The following SLC1A1 variants were observed in gnomAD, a reference collection of about 807,000 sequenced individuals.
SLC1A1 encodes the protein solute carrier family 1 member 1.
In SLC1A1, 43 loss-of-function variants were observed where a neutral mutation model predicts 53.3. The ratio of observed to expected loss-of-function variants is 0.81; its 90% CI spans 0.63 to 1.04. The LOEUF (loss-of-function observed/expected upper bound fraction) is 1.04. Ranked by LOEUF, SLC1A1 falls within the 50% of genes least tolerant of loss-of-function variation. SLC1A1 has a pLI of 0.00. For missense variants in SLC1A1, 748 were observed against 664.9 expected, an observed-to-expected ratio of 1.12 and a Z score of -1.37; for synonymous variants, 307 against 243.2, an observed-to-expected ratio of 1.26 and a Z score of -2.44.
chr9:4,506,952 C>G (rs1240055328), intron 1 of SLC1A1, among the ~76,000 whole-genome samples: 1 of 152,328 alleles, frequency 6.6e-6, no homozygotes, highest in Middle Eastern at 3.4e-3. Flanking sequence ...CAAGAGTAGG[C>G]TGGCGGCAGT....
At chr9:4,575,716 C>A (rs1332365604) in intron 8 of SLC1A1, among the ~76,000 whole-genome samples, 3 of 152,188 alleles carry the variant, frequency 2.0e-5, no homozygotes. Context: ...AGGAATAGCA[C>A]ACACAGGGGT....
At chr9:4,515,378 A>T (rs1254506079) in intron 1 of SLC1A1, among the ~76,000 whole-genome samples, 1 of 152,148 alleles carries the variant, frequency 6.6e-6, no homozygotes, top group Middle Eastern at 3.2e-3. Context: ...CAGAATGAAA[A>T]GTCTGAGGTT....
intron 9 of SLC1A1, 117 bp downstream of exon 9, chr9:4,576,240 C>A: frequency 1.0e-6 from 1 of 976,602 alleles, no homozygotes. Context: ...GAGAAATGAC[C>A]TCCGTATTCT....
At chr9:4,503,642 G>T (rs192380105) in intron 1 of SLC1A1, among the ~76,000 whole-genome samples, 1 of 151,914 alleles carries the variant, frequency 6.6e-6, no homozygotes, top group Admixed American at 6.5e-5. Context: ...CATAAGGAGG[G>T]CTTATCATCT....
rs534595917 is a variant in SLC1A1 at position 4,545,522 on chromosome 9, C to A, written c.232+815C>A. On this transcript the variant is annotated intron_variant, in intron 2 of 11. Coordinates refer to ENST00000262352, the MANE Select transcript of SLC1A1 (RefSeq NM_004170.6). ...AGCCATTCACTCATTTATTTCCCAA[C>A]TGCAGCTGTGCTGCCCCCAGCCTCT... 2.0e-5 allele frequency among the ~76,000 whole-genome samples: 3 copies of A among 152,380 alleles called. No individual in the cohort carries two copies. The East Asian group carries it at 5.8e-4, about 29-fold the overall frequency.
chr9:4,512,749 T>C (rs1359093318), intron 1 of SLC1A1, among the ~76,000 whole-genome samples: 2 of 152,222 alleles, frequency 1.3e-5, no homozygotes, highest in Admixed American at 6.5e-5. Context: ...CATAGAAATA[T>C]GCCCAGTTGG....
chr9:4,510,594 C>A (rs760994504), intron 1 of SLC1A1, among the ~76,000 whole-genome samples: 2 of 152,166 alleles, frequency 1.3e-5, no homozygotes, highest in African/African-American at 2.4e-5. Flanking sequence ...TCTCTTTACA[C>A]CTGTGTCATT....
intron 1 of SLC1A1, among the ~76,000 whole-genome samples, chr9:4,520,835 G>A (rs1564005126): frequency 1.3e-5 from 2 of 152,158 alleles, no homozygotes; most frequent in South Asian, 2.1e-4. Context: ...TTGAGGAACT[G>A]CCAAACAGTC....
Position 4,490,579 on chromosome 9 carries a change from G to C in SLC1A1, c.-101G>C, listed in dbSNP as rs993518828. The C allele has an allele frequency of 7.6e-6, 7 of 916,252 alleles. No individual in the cohort carries two copies. Among genetic ancestry groups the C allele is most frequent in the Admixed American group, 6.1e-5 (3 of 49,350 alleles). The allele number at this position is 916,252 out of a possible 1,614,324, so 56.8% of individuals were successfully genotyped here. On this transcript the variant is annotated 5_prime_UTR_variant, in exon 1 of 12. Transcript: ENST00000262352. Reference sequence around the variant, plus strand: ...AGCGGCCGGCTCTCACCTCTCCCCTGTGCACCCGCATCTCGCCGCGCCGCC... The same window carrying C: ...AGCGGCCGGCTCTCACCTCTCCCCTCTGCACCCGCATCTCGCCGCGCCGCC...
chr9:4,584,023 T>C (rs1387501002), intron 11 of SLC1A1, among the ~76,000 whole-genome samples: 1 of 152,196 alleles, frequency 6.6e-6, no homozygotes, highest in Non-Finnish European at 1.5e-5. Context: ...CTTCTGTGCA[T>C]GGATCTTACA....
At chr9:4,496,246 T>G (rs1586685170) in intron 1 of SLC1A1, among the ~76,000 whole-genome samples, 1 of 151,356 alleles carries the variant, frequency 6.6e-6, no homozygotes, top group Non-Finnish European at 1.5e-5. Flanking sequence ...GGGGCAGGAG[T>G]GAGAGGGTCT....
chr9:4,519,887 G>A (rs1225535097), intron 1 of SLC1A1, among the ~76,000 whole-genome samples: 1 of 152,194 alleles, frequency 6.6e-6, no homozygotes, highest in African/African-American at 2.4e-5. Flanking sequence ...CAAAGTGGTT[G>A]TATGCACAGG....
chr9:4,536,344 A>ACAAG (rs1816671646), intron 1 of SLC1A1, among the ~76,000 whole-genome samples: 1 of 112,948 alleles, frequency 8.9e-6, no homozygotes, highest in Admixed American at 9.3e-5. Context: ...AAACAAATCT[A>ACAAG]CAAGAAAAAA....
intron 1 of SLC1A1, among the ~76,000 whole-genome samples, chr9:4,505,039 ATATT>A (rs1820751937): frequency 9.9e-6 from 1 of 101,414 alleles, no homozygotes; most frequent in Non-Finnish European, 2.1e-5. Context: ...ATGTGTACAT[ATATT>A]TCTTTTTTTT....
At chr9:4,532,359 A>C (rs1816505046) in intron 1 of SLC1A1, among the ~76,000 whole-genome samples, 1 of 152,192 alleles carries the variant, frequency 6.6e-6, no homozygotes, top group African/African-American at 2.4e-5. Flanking sequence ...AATGCAGAGA[A>C]GTCCTTAAAG....
At chr9:4,500,530 C>T (rs980814499) in intron 1 of SLC1A1, among the ~76,000 whole-genome samples, 3 of 152,124 alleles carry the variant, frequency 2.0e-5, no homozygotes, top group African/African-American at 7.2e-5. Context: ...AAGCTGCTCT[C>T]GAACTGTTAA....
intron 2 of SLC1A1, among the ~76,000 whole-genome samples, chr9:4,560,588 T>A (rs138274704): frequency 6.6e-6 from 1 of 152,162 alleles, no homozygotes; most frequent in Admixed American, 6.5e-5. Flanking sequence ...TGAATATATA[T>A]TACTTTTATA....
Position 4,583,076 on chromosome 9 carries a change from T to C in SLC1A1, c.1232T>C (p.Val411Ala). Residue 411 changes from valine to alanine, a missense_variant, in exon 11 of 12, where the codon GTG becomes GCG. Physicochemically the swap from Val to Ala is moderately conservative, Grantham distance 64 (BLOSUM62 0). Coordinates refer to ENST00000262352, the MANE Select transcript of SLC1A1 (RefSeq NM_004170.6). This position sits in a 1 kb window ranked among gnomAD's most constrained non-coding sequence, Gnocchi z 4.6. ...TCTGCCAGCATCGGAGCTGCTGGCGTGCCCCAGGCTGGCCTGGTGACCATG... is the reference window on the plus strand; with the variant it reads ...TCTGCCAGCATCGGAGCTGCTGGCGCGCCCCAGGCTGGCCTGGTGACCATG... The part of the protein sequence containing the change: ...ATSASIGAAG[V>A]PQAGLVTMVI... 1.2e-6 allele frequency: 2 copies of C among 1,614,234 alleles called. No homozygotes were observed. Among genetic ancestry groups the C allele is most frequent in the Non-Finnish European group, 1.7e-6 (2 of 1,180,040 alleles).
intron 2 of SLC1A1, among the ~76,000 whole-genome samples, chr9:4,545,615 G>A (rs1817425350): frequency 6.6e-6 from 1 of 152,190 alleles, no homozygotes; most frequent in African/African-American, 2.4e-5. Context: ...CTTGCTATGT[G>A]TCTGCCCTGC....
Sources: allele counts gnomAD v4.1 joint callset (sites outside exome capture counted in the v4.1 genomes callset), GRCh38; gene constraint gnomAD v4.1.1; non-coding constraint Gnocchi (gnomAD v3.1); transcripts MANE v1.5; gene names NCBI Gene and HGNC (gene_info 2026-07-23, HGNC 2026-07-21).